SLC24A2: variants seen among roughly 807,000 people sequenced by gnomAD.
The protein encoded by SLC24A2 is solute carrier family 24 member 2.
Under a neutral mutation model 62.0 loss-of-function variants are expected in SLC24A2, and 36 were observed. The ratio of observed to expected loss-of-function variants is 0.58; its 90% CI spans 0.44 to 0.77. The LOEUF is 0.77. Among genes scored for constraint, SLC24A2 ranks in the 30% least tolerant of loss-of-function variants. The pLI is 0.00. For synonymous variants in SLC24A2, 358 were observed against 294.0 expected (o/e 1.22, Z -2.23); for missense variants, 846 against 817.9 (o/e 1.03, Z -0.42).
upstream of SLC24A2, among the ~76,000 whole-genome samples, chr9:19,789,464 G>T (rs1823278023): frequency 6.6e-6 from 1 of 152,240 alleles, no homozygotes; most frequent in Non-Finnish European, 1.5e-5. Flanking sequence ...TGCAGGACAG[G>T]CTGTTGGGGT....
At chr9:19,812,919 A>C in the SLC24A2 span, among the ~76,000 whole-genome samples, 1 of 152,146 alleles carries the variant, frequency 6.6e-6, no homozygotes, top group Non-Finnish European at 1.5e-5. Context: ...GAAGAGCCTG[A>C]TGTATTTTCT....
chr9:19,933,800 A>G, the SLC24A2 span, among the ~76,000 whole-genome samples: 2 of 152,244 alleles, frequency 1.3e-5, no homozygotes, highest in African/African-American at 4.8e-5. Context: ...ACAAAGGAAT[A>G]AAGTCCTGGT....
chr9:19,519,235 A>G (rs894157640), intron 10 of SLC24A2, among the ~76,000 whole-genome samples: 2 of 152,164 alleles, frequency 1.3e-5, no homozygotes, highest in Non-Finnish European at 2.9e-5. Context: ...CAAGTAGATA[A>G]AACTGAATAT....
At chr9:20,177,477 A>G in the SLC24A2 span, among the ~76,000 whole-genome samples, 1 of 152,098 alleles carries the variant, frequency 6.6e-6, no homozygotes, top group South Asian at 2.1e-4. Flanking sequence ...AAAGAGCACA[A>G]ATGACCCTTT....
the SLC24A2 span, among the ~76,000 whole-genome samples, chr9:19,923,001 T>TTA: frequency 6.7e-6 from 1 of 149,480 alleles, no homozygotes; most frequent in South Asian, 2.1e-4. Flanking sequence ...TATTATATAT[T>TTA]TATATATATA....
chr9:19,711,824 G>T (rs1193039775), intron 2 of SLC24A2, among the ~76,000 whole-genome samples: 1 of 149,680 alleles, frequency 6.7e-6, no homozygotes, highest in Non-Finnish European at 1.5e-5. Flanking sequence ...GCGATAATGT[G>T]GGCAAGTGGA....
At chr9:19,704,336 T>C (rs1169370458) in intron 2 of SLC24A2, among the ~76,000 whole-genome samples, 3 of 152,162 alleles carry the variant, frequency 2.0e-5, no homozygotes, top group African/African-American at 4.8e-5. Context: ...TGATACTATA[T>C]TGGTAAATTT....
chr9:20,247,169 T>A, the SLC24A2 span, among the ~76,000 whole-genome samples: 7 of 152,310 alleles, frequency 4.6e-5, no homozygotes, highest in African/African-American at 1.7e-4. Flanking sequence ...GGCATAAAAG[T>A]CAGGGCATTT....
chr9:19,948,144 TGC>T, the SLC24A2 span, among the ~76,000 whole-genome samples: 14 of 152,342 alleles, frequency 9.2e-5, no homozygotes, highest in Admixed American at 9.1e-4. Context: ...TCTTATAACC[TGC>T]ACAAGTGACT....
At chr9:19,785,856 A>G (rs912665613) in intron 2 of SLC24A2, 81 bp downstream of exon 2, 8 of 1,583,896 alleles carry the variant, frequency 5.1e-6, no homozygotes, top group Middle Eastern at 1.7e-4. Flanking sequence ...CATCACATCA[A>G]AAGAACTGCA....
chr9:19,946,771 A>T, the SLC24A2 span, among the ~76,000 whole-genome samples: 1 of 152,212 alleles, frequency 6.6e-6, no homozygotes, highest in Non-Finnish European at 1.5e-5. Flanking sequence ...AGAAAACAAC[A>T]CACACACAAA....
chr9:20,232,378 G>T, the SLC24A2 span, among the ~76,000 whole-genome samples: 11 of 152,130 alleles, frequency 7.2e-5, no homozygotes, highest in East Asian at 1.9e-4. Flanking sequence ...AGTTTTTTTG[G>T]TTGGTAAGCT....
intron 2 of SLC24A2, among the ~76,000 whole-genome samples, chr9:19,759,284 T>G (rs1822240688): frequency 6.6e-6 from 1 of 152,206 alleles, no homozygotes; most frequent in Non-Finnish European, 1.5e-5. Flanking sequence ...TTTCTCAGTA[T>G]TGGTGTCCAG....
intron 2 of SLC24A2, among the ~76,000 whole-genome samples, chr9:19,712,098 CAA>C (rs988651879): frequency 1.3e-5 from 2 of 151,952 alleles, no homozygotes; most frequent in Non-Finnish European, 2.9e-5. Context: ...TGTCTCAGCA[CAA>C]AAAGTCTGGG....
At chr9:19,544,366 G>A (rs951048345) in intron 8 of SLC24A2, among the ~76,000 whole-genome samples, 1 of 151,286 alleles carries the variant, frequency 6.6e-6, no homozygotes, top group African/African-American at 2.4e-5. Context: ...GCCACTGATG[G>A]GTCTTGACGC....
chr9:19,940,807 C>T, the SLC24A2 span, among the ~76,000 whole-genome samples: 1 of 152,230 alleles, frequency 6.6e-6, no homozygotes, highest in Non-Finnish European at 1.5e-5. Flanking sequence ...GTTCAAAGCA[C>T]TGCTGAATGC....
At chr9:20,192,150 A>G in the SLC24A2 span, among the ~76,000 whole-genome samples, 1 of 152,162 alleles carries the variant, frequency 6.6e-6, no homozygotes, top group Admixed American at 6.5e-5. Flanking sequence ...GTGGTTGAAG[A>G]TGGGAAAGGT....
At chr9:20,091,262 C>T in the SLC24A2 span, among the ~76,000 whole-genome samples, 1 of 151,558 alleles carries the variant, frequency 6.6e-6, no homozygotes, top group South Asian at 2.1e-4. Flanking sequence ...GATAAGAAAG[C>T]AAACAACTTG....
At chr9:19,920,608 C>T in the SLC24A2 span, among the ~76,000 whole-genome samples, 2 of 152,060 alleles carry the variant, frequency 1.3e-5, no homozygotes, top group African/African-American at 2.4e-5. Context: ...TGAAAGGAGC[C>T]CACCTGCAGT....
Sources: allele counts gnomAD v4.1 joint callset (sites outside exome capture counted in the v4.1 genomes callset), GRCh38; gene constraint gnomAD v4.1.1; transcripts MANE v1.5; gene names NCBI Gene and HGNC (gene_info 2026-07-23, HGNC 2026-07-21).